Variants in LMNTD1 observed in about 807,000 individuals in gnomAD.
The protein encoded by LMNTD1 is lamin tail domain-containing protein 1.
Under a neutral mutation model 50.9 loss-of-function variants are expected in LMNTD1, and 35 were observed. The ratio of observed to expected loss-of-function variants is 0.69; its 90% CI spans 0.53 to 0.91. The LOEUF (loss-of-function observed/expected upper bound fraction) is 0.91. LMNTD1 is among the 40% of genes least tolerant of loss of function. The pLI is 0.00. For synonymous variants in LMNTD1, 153 were observed against 161.9 expected, an observed-to-expected ratio of 0.94 and a Z score of 0.42; for missense variants, 470 against 475.5, an observed-to-expected ratio of 0.99 and a Z score of 0.11.
chr12:25,501,644 A>G (rs1370014376), intron 9 of LMNTD1, among the ~76,000 whole-genome samples: 1 of 152,188 alleles, frequency 6.6e-6, no homozygotes, highest in Non-Finnish European at 1.5e-5. Flanking sequence ...CTTTAGCTAT[A>G]AACTGGAGAT....
At chr12:25,610,700 A>G (rs1312903402) in intron 1 of LMNTD1, among the ~76,000 whole-genome samples, 2 of 152,196 alleles carry the variant, frequency 1.3e-5, no homozygotes, top group Non-Finnish European at 2.9e-5. Context: ...CAAGGGGTAG[A>G]GTAAAGGAGA....
chr12:25,594,840 C>T (rs1945806496), intron 1 of LMNTD1, among the ~76,000 whole-genome samples: 1 of 151,916 alleles, frequency 6.6e-6, no homozygotes, highest in Admixed American at 6.6e-5. Flanking sequence ...AAGAGACTCA[C>T]CTAACACATA....
At chr12:25,602,577 A>G (rs542970359) in intron 1 of LMNTD1, among the ~76,000 whole-genome samples, 55 of 151,994 alleles carry the variant, frequency 3.6e-4, no homozygotes, top group Admixed American at 5.9e-4. Context: ...GAATTTTTCT[A>G]AAGGGCTTTT....
At chr12:25,643,222 G>A (rs916462426) in intron 1 of LMNTD1, among the ~76,000 whole-genome samples, 1 of 152,236 alleles carries the variant, frequency 6.6e-6, no homozygotes, top group Admixed American at 6.5e-5. Flanking sequence ...ATAGTGGGAT[G>A]AGCAGGGGAA....
chr12:25,612,868 A>C (rs1002506064), intron 1 of LMNTD1, among the ~76,000 whole-genome samples: 2 of 152,112 alleles, frequency 1.3e-5, no homozygotes, highest in Non-Finnish European at 2.9e-5. Flanking sequence ...TAGATTAAGG[A>C]TCTTGAGGTA....
chr12:25,645,793 C>T lies in LMNTD1; in HGVS notation c.58+2701G>A, dbSNP rs1025202194. Among the ~76,000 whole-genome samples the T allele has an allele frequency of 2.6e-4, 40 of 152,294 alleles. 1 individual carries two copies. Among genetic ancestry groups the T allele is most frequent in the African/African-American group, 8.2e-4 (34 of 41,568 alleles). On this transcript the variant is annotated intron_variant, in intron 1 of 7. Transcript: ENST00000445693. ...AACTGGGATATGGCTACCTCCTTCA[C>T]AGGGTTGTTATGCACATGAAGAAGG...
At chr12:25,542,090 A>G (rs74430271) in intron 4 of LMNTD1, among the ~76,000 whole-genome samples, 13 of 150,084 alleles carry the variant, frequency 8.7e-5, no homozygotes, top group East Asian at 4.0e-4. Flanking sequence ...TGGAGAGGAT[A>G]TGGAGAAATA....
chr12:25,519,772 T>A, intron 7 of LMNTD1, 86 bp downstream of exon 7: 1 of 829,118 alleles, frequency 1.2e-6, no homozygotes, highest in Non-Finnish European at 2.0e-6. Flanking sequence ...ACATCACACA[T>A]CCATTTGTCA....
At chr12:25,606,637 T>C (rs964094308) in intron 1 of LMNTD1, among the ~76,000 whole-genome samples, 36 of 152,234 alleles carry the variant, frequency 2.4e-4, no homozygotes, top group African/African-American at 8.7e-4. Flanking sequence ...ATTACGTTTA[T>C]TGATTTGCAT....
intron 9 of LMNTD1, among the ~76,000 whole-genome samples, chr12:25,498,303 C>A (rs1939179022): frequency 3.3e-5 from 5 of 152,106 alleles, no homozygotes; most frequent in Admixed American, 3.3e-4. Flanking sequence ...ATTTCCTGTT[C>A]TGTCCATGGG....
rs116052223 is a variant in LMNTD1 at position 25,578,402 on chromosome 12, C to A, written c.59-31848G>T. 2.6e-4 allele frequency among the ~76,000 whole-genome samples: 40 copies of A among 152,260 alleles called. No individual in the cohort carries two copies. The East Asian group carries it at 7.3e-3, about 28-fold the overall frequency. On this transcript the variant is annotated intron_variant, in intron 1 of 7. Transcript: ENST00000445693. ...GAGAATGTGCCAAAAGTAAATTACT[C>A]AACTCCATAGCTTTTTTTTCCTGGA...
chr12:25,515,561 T>C (rs1940693275), intron 8 of LMNTD1, among the ~76,000 whole-genome samples: 2 of 152,148 alleles, frequency 1.3e-5, no homozygotes, highest in South Asian at 2.1e-4. Context: ...TTCAAATTTA[T>C]GAATTTTTCT....
rs185001956 is a variant in LMNTD1, at chr12:25,615,458, T to A, written c.58+33036A>T. Among the ~76,000 whole-genome samples, 15 of 150,918 alleles carry A rather than the reference T, an allele frequency of 9.9e-5. No individual in the cohort carries two copies. The East Asian group carries it at 2.5e-3, about 25-fold the overall frequency. On this transcript the variant is annotated intron_variant, in intron 1 of 7. Coordinates refer to the LMNTD1 transcript ENST00000445693. ...GAACCATATCCTTTTTTTAATTTTT[T>A]AATTTTTTTTTTTGAGACATGGTCT...
intron 8 of LMNTD1, among the ~76,000 whole-genome samples, chr12:25,513,495 G>A (rs1046752845): frequency 1.3e-5 from 2 of 152,190 alleles, no homozygotes; most frequent in Non-Finnish European, 2.9e-5. Flanking sequence ...AATTAGCTGG[G>A]TGTGGTGGCG....
chr12:25,540,774 G>A (rs1052747609), intron 4 of LMNTD1, among the ~76,000 whole-genome samples: 1 of 135,676 alleles, frequency 7.4e-6, no homozygotes, highest in African/African-American at 2.7e-5. Flanking sequence ...TAGGAAAAGA[G>A]GAAGTCAAAC....
At chr12:25,525,346 C>T (rs901255252) in intron 6 of LMNTD1, among the ~76,000 whole-genome samples, 1 of 152,140 alleles carries the variant, frequency 6.6e-6, no homozygotes, top group African/African-American at 2.4e-5. Context: ...TAAGCTCTTT[C>T]ATTAGAATAT....
rs192804110 is a variant in LMNTD1 at position 25,551,019 on chromosome 12, G to T, written c.90-1473C>A. Reference sequence around the variant, plus strand: ...ATACACTATTGAGTATGACCGTAGAGGTAGTGGGAAGGAGACTTTAGAGGT... The same window carrying T: ...ATACACTATTGAGTATGACCGTAGATGTAGTGGGAAGGAGACTTTAGAGGT... On this transcript the variant is annotated intron_variant, in intron 2 of 9. Coordinates refer to ENST00000458174, the MANE Select transcript of LMNTD1 (RefSeq NM_001145728.2). 5.0e-3 allele frequency among the ~76,000 whole-genome samples: 768 copies of T among 152,310 alleles called. 8 individuals carry two copies. Among genetic ancestry groups the T allele is most frequent in the African/African-American group, 0.017 (717 of 41,564 alleles).
chr12:25,582,494 A>G (rs1314070703), intron 1 of LMNTD1: 2 of 152,248 alleles, frequency 1.3e-5, no homozygotes, highest in African/African-American at 4.8e-5. Context: ...CACTTAGATC[A>G]TGAGAAAAGT....
rs148423681 is a variant in LMNTD1 at position 25,481,309 on chromosome 12, C to T, written c.*23-4849G>A. Among the ~76,000 whole-genome samples the T allele has an allele frequency of 3.0e-3, 455 of 152,130 alleles. 10 individuals are homozygous for T. Among genetic ancestry groups the T allele is most frequent in the African/African-American group, 0.01 (417 of 41,390 alleles). ...TAAAGTATTTATTTTGTATATTGTT[C>T]GTTTCCCATCACTAAAGTACAAGCT... On this transcript the variant is annotated intron_variant, in intron 9 of 9. Coordinates refer to ENST00000458174, the MANE Select transcript of LMNTD1 (RefSeq NM_001145728.2).
Sources: allele counts gnomAD v4.1 joint callset (sites outside exome capture counted in the v4.1 genomes callset), GRCh38; gene constraint gnomAD v4.1.1; transcripts MANE v1.5; gene names NCBI Gene and HGNC (gene_info 2026-07-23, HGNC 2026-07-21).